Variants in PTPRQ observed in about 807,000 individuals in gnomAD.
PTPRQ encodes phosphatidylinositol phosphatase PTPRQ.
In PTPRQ, 199 loss-of-function variants were observed where a neutral mutation model predicts 246.0. The ratio of observed to expected loss-of-function variants is 0.81; its 90% CI spans 0.72 to 0.91. PTPRQ has a LOEUF of 0.91. PTPRQ is among the 40% of genes least tolerant of loss of function. The pLI is 0.00. For synonymous variants in PTPRQ, 869 were observed against 853.2 expected (o/e 1.02, Z -0.32); for missense variants, 2,624 against 2,528.4 (o/e 1.04, Z -0.81).
chr12:80,621,734 C>T (rs1898998919), intron 32 of PTPRQ, among the ~76,000 whole-genome samples: 1 of 151,702 alleles, frequency 6.6e-6, no homozygotes, highest in Non-Finnish European at 1.5e-5. Flanking sequence ...AGTGTAACAC[C>T]CTTCACAGAT....
intron 27 of PTPRQ, among the ~76,000 whole-genome samples, chr12:80,606,640 C>A (rs1273988210): frequency 6.6e-6 from 1 of 150,840 alleles, no homozygotes; most frequent in Non-Finnish European, 1.5e-5. Flanking sequence ...GTCTCTTGAC[C>A]AACTTTATAA....
intron 17 of PTPRQ, among the ~76,000 whole-genome samples, chr12:80,521,555 G>A (rs984117618): frequency 2.0e-5 from 3 of 151,818 alleles, no homozygotes. Flanking sequence ...TGTAAGGAAG[G>A]GATCCAGTTT....
chr12:80,633,157 A>G (rs1899506421), intron 34 of PTPRQ, among the ~76,000 whole-genome samples: 2 of 152,224 alleles, frequency 1.3e-5, no homozygotes, highest in Admixed American at 6.5e-5. Flanking sequence ...ATGAGAGACA[A>G]CAAGGTGAAA....
intron 23 of PTPRQ, 101 bp downstream of exon 23, chr12:80,542,982 G>T: frequency 1.2e-6 from 1 of 839,548 alleles, no homozygotes; most frequent in Admixed American, 3.9e-5. Flanking sequence ...ATTAAACAAT[G>T]ACTATTTTTT....
chr12:80,566,344 G>T (rs1896978870), intron 25 of PTPRQ, among the ~76,000 whole-genome samples: 1 of 151,956 alleles, frequency 6.6e-6, no homozygotes. Flanking sequence ...CGGGCATGGT[G>T]GCAGGTGCCT....
chr12:80,618,194 A>T (rs1259463010), intron 30 of PTPRQ, among the ~76,000 whole-genome samples: 1 of 151,662 alleles, frequency 6.6e-6, no homozygotes, highest in Admixed American at 6.6e-5. Flanking sequence ...TCAAATGTTG[A>T]TAGTTATCTT....
chr12:80,673,607 T>C (rs1901042195), intron 43 of PTPRQ, among the ~76,000 whole-genome samples: 1 of 152,142 alleles, frequency 6.6e-6, no homozygotes, highest in Non-Finnish European at 1.5e-5. Flanking sequence ...CTTTGGGATA[T>C]CTGGAAATGA....
intron 6 of PTPRQ, among the ~76,000 whole-genome samples, chr12:80,463,248 A>G (rs1364825940): frequency 6.6e-6 from 1 of 152,264 alleles, no homozygotes; most frequent in Admixed American, 6.5e-5. Context: ...AATGCAATCA[A>G]CTGGGAGAAA....
At chr12:80,532,584 A>C (rs1332752632) in intron 17 of PTPRQ, among the ~76,000 whole-genome samples, 1 of 152,140 alleles carries the variant, frequency 6.6e-6, no homozygotes, top group Admixed American at 6.5e-5. Context: ...ATGACCTGTG[A>C]CCAATGATAA....
intron 3 of PTPRQ, among the ~76,000 whole-genome samples, chr12:80,446,887 G>A (rs185586190): frequency 6.6e-6 from 1 of 152,032 alleles, no homozygotes; most frequent in East Asian, 1.9e-4. Flanking sequence ...CATGAGTGAT[G>A]GTGTCTTTGT....
At chr12:80,636,874 C>A (rs1899673459) in intron 35 of PTPRQ, among the ~76,000 whole-genome samples, 1 of 152,152 alleles carries the variant, frequency 6.6e-6, no homozygotes, top group Non-Finnish European at 1.5e-5. Context: ...ACATTCGAGG[C>A]AGACTGTGGT....
chr12:80,557,565 T>G (rs1896680137), intron 25 of PTPRQ, among the ~76,000 whole-genome samples: 1 of 151,958 alleles, frequency 6.6e-6, no homozygotes, highest in Admixed American at 6.6e-5. Flanking sequence ...AAGTAGAAAC[T>G]TGCAGTCACA....
At chr12:80,558,024 T>TCTTTCTTTCTCTCTCTCTCTTTCTTC (rs1194630902) in intron 25 of PTPRQ, among the ~76,000 whole-genome samples, 91 of 151,714 alleles carry the variant, frequency 6.0e-4, no homozygotes, top group African/African-American at 2.1e-3. Flanking sequence ...TGTGTAGCAA[T>TCTTTCTTTCTCTCTCTCTCTTTCTTC]CTTCCTTCCT....
intron 39 of PTPRQ, among the ~76,000 whole-genome samples, chr12:80,667,598 C>A (rs1021440492): frequency 6.6e-6 from 1 of 151,712 alleles, no homozygotes; most frequent in Non-Finnish European, 1.5e-5. Flanking sequence ...CAGTGATGAA[C>A]CCCCAGCTCC....
In PTPRQ at chr12:80,494,910, C is replaced by A. The variant is rs186668035; in HGVS notation, c.1541-23C>A. On this transcript the variant is annotated intron_variant, in intron 10 of 44. Coordinates refer to ENST00000644991, the MANE Select transcript of PTPRQ (RefSeq NM_001145026.2). ...TGAAGCCAAACACCTTTCTTTTTTT[C>A]TCTTTTTACTGAATTCAAACAGTAA... The A allele has an allele frequency of 9.2e-5, 138 of 1,493,070 alleles. No individual in the cohort carries two copies. In the African/African-American group the frequency reaches 1.7e-3, roughly 18 times the overall value. The allele number at this position is 1,493,070 out of a possible 1,614,324, so 92.5% of individuals were successfully genotyped here.
intron 43 of PTPRQ, among the ~76,000 whole-genome samples, chr12:80,676,583 A>G (rs1901151006): frequency 6.6e-6 from 1 of 152,194 alleles, no homozygotes; most frequent in Non-Finnish European, 1.5e-5. Flanking sequence ...CAGAGGTTGC[A>G]GTGAGCCAAG....
chr12:80,580,133 G>A (rs1257496276), intron 25 of PTPRQ, among the ~76,000 whole-genome samples: 2 of 152,056 alleles, frequency 1.3e-5, no homozygotes, highest in Admixed American at 6.6e-5. Context: ...TTTTATACAT[G>A]TATTCATCTT....
chr12:80,475,813 GAATATATAGA>G (rs1893792479), intron 8 of PTPRQ, among the ~76,000 whole-genome samples: 1 of 151,838 alleles, frequency 6.6e-6, no homozygotes, highest in Non-Finnish European at 1.5e-5. Flanking sequence ...TGAATATATA[GAATATATAGA>G]AATATATATG....
chr12:80,563,838 C>T (rs190384975), intron 25 of PTPRQ, among the ~76,000 whole-genome samples: 39 of 152,262 alleles, frequency 2.6e-4, no homozygotes, highest in East Asian at 1.6e-3. Context: ...CCCTATTTTG[C>T]CGTCTCTGAC....
Sources: gnomAD v4.1 joint callset for allele counts (sites outside exome capture counted in the v4.1 genomes callset) on GRCh38, gnomAD v4.1.1 for gene constraint, MANE v1.5 for transcripts, NCBI Gene and HGNC (gene_info 2026-07-23, HGNC 2026-07-21) for gene names.